TJP1: variants seen among roughly 807,000 people sequenced by gnomAD.
TJP1 encodes tight junction protein 1.
TJP1 carries 43 observed loss-of-function variants against 194.2 expected under a neutral mutation model. That is an observed-to-expected ratio of 0.22 (90% confidence interval 0.17 to 0.29). The LOEUF is 0.29. Among genes scored for constraint, TJP1 ranks in the 10% least tolerant of loss-of-function variants. TJP1 has a pLI of 1.00. For missense variants in TJP1, 1,971 were observed against 2,185.7 expected, an observed-to-expected ratio of 0.90 and a Z score of 1.96; for synonymous variants, 801 against 779.0, an observed-to-expected ratio of 1.03 and a Z score of -0.47.
intron 1 of TJP1, among the ~76,000 whole-genome samples, chr15:29,804,320 T>C (rs2048980563): frequency 6.6e-6 from 1 of 152,184 alleles, no homozygotes. Flanking sequence ...TGTTACGTGT[T>C]TGAAAGTGAT....
chr15:29,790,146 T>C (rs956010182), intron 2 of TJP1, among the ~76,000 whole-genome samples: 1 of 152,228 alleles, frequency 6.6e-6, no homozygotes, highest in Non-Finnish European at 1.5e-5. Context: ...TTGAGTAGTT[T>C]TGACAGAGAT....
chr15:29,964,389 A>G (rs1381398482), intron 1 of TJP1, among the ~76,000 whole-genome samples: 3 of 107,174 alleles, frequency 2.8e-5, no homozygotes, highest in Admixed American at 1.1e-4. Context: ...GAAATAAATT[A>G]AAAATTAAAA....
intron 1 of TJP1, among the ~76,000 whole-genome samples, chr15:29,956,745 C>A (rs955723641): frequency 6.6e-6 from 1 of 152,116 alleles, no homozygotes; most frequent in African/African-American, 2.4e-5. Flanking sequence ...AAAAATTAGC[C>A]TGTCCTGGTG....
At chr15:29,877,475 C>T (rs112082337) in intron 2 of TJP1, among the ~76,000 whole-genome samples, 9,372 of 152,262 alleles carry the variant, frequency 0.062, 344 homozygotes, top group South Asian at 0.11. Flanking sequence ...ACCGCCTTGG[C>T]CTCCCAAAGT....
chr15:29,802,240 T>A (rs1317828122), intron 1 of TJP1, among the ~76,000 whole-genome samples: 2 of 152,206 alleles, frequency 1.3e-5, no homozygotes, highest in African/African-American at 4.8e-5. Flanking sequence ...GCCTATTTCA[T>A]AAGTGAGGTC....
intron 1 of TJP1, among the ~76,000 whole-genome samples, chr15:29,957,986 G>C (rs2056010339): frequency 6.6e-6 from 1 of 152,148 alleles, no homozygotes; most frequent in Non-Finnish European, 1.5e-5. Flanking sequence ...TTGAACTGCT[G>C]ATTCTGTATA....
At chr15:29,759,101 C>T (rs1000997572) in intron 8 of TJP1, 1 of 152,096 alleles carries the variant, frequency 6.6e-6, no homozygotes, top group Admixed American at 6.6e-5. Flanking sequence ...TAAAAAAGCT[C>T]TCTCCTGGCT....
At position 29,743,233 on chromosome 15, in the gene TJP1, A is replaced by G. The variant is rs1038122631; in HGVS notation, c.1011-452T>C. 2.0e-5 allele frequency among the ~76,000 whole-genome samples: 3 copies of G among 152,230 alleles called. No homozygotes were observed. The East Asian group carries it at 5.8e-4, about 29-fold the overall frequency. ...TTCTAAAGTAAGACTCAATGAAGCCACAGTATATCAACAAAAGTGATTACA... is the reference window on the plus strand; with the variant it reads ...TTCTAAAGTAAGACTCAATGAAGCCGCAGTATATCAACAAAAGTGATTACA... On this transcript the variant is annotated intron_variant, in intron 8 of 27. Coordinates refer to ENST00000614355, the MANE Select transcript of TJP1 (RefSeq NM_001330239.4).
intron 2 of TJP1, among the ~76,000 whole-genome samples, chr15:29,920,192 C>G (rs2054312327): frequency 6.6e-6 from 1 of 152,168 alleles, no homozygotes; most frequent in Non-Finnish European, 1.5e-5. Context: ...GCTTCAGAGA[C>G]CAGTGCTAGG....
intron 18 of TJP1, among the ~76,000 whole-genome samples, chr15:29,723,326 CT>C (rs1337770619): frequency 1.6e-4 from 24 of 152,140 alleles, no homozygotes; most frequent in African/African-American, 4.8e-5. Context: ...CACCATCCCC[CT>C]AATACTATTT....
At chr15:29,848,948 A>C (rs1002331421) in intron 2 of TJP1, among the ~76,000 whole-genome samples, 1 of 152,106 alleles carries the variant, frequency 6.6e-6, no homozygotes. Context: ...CTACGTTTTT[A>C]TAAAATACTC....
chr15:29,836,683 A>G (rs935921500), intron 2 of TJP1, among the ~76,000 whole-genome samples: 3 of 152,236 alleles, frequency 2.0e-5, no homozygotes, highest in Non-Finnish European at 4.4e-5. Context: ...GTTGAAACTT[A>G]ATCACCAATG....
At chr15:29,859,920 T>C (rs769568720) in intron 2 of TJP1, among the ~76,000 whole-genome samples, 4 of 152,176 alleles carry the variant, frequency 2.6e-5, no homozygotes, top group Admixed American at 6.5e-5. Flanking sequence ...CTCCTGTGTA[T>C]ACTCAGGATA....
At chr15:29,923,063 G>C (rs948665832) in intron 2 of TJP1, among the ~76,000 whole-genome samples, 12 of 152,142 alleles carry the variant, frequency 7.9e-5, no homozygotes, top group African/African-American at 2.9e-4. Flanking sequence ...GACATTTTTA[G>C]TGTGATGAAG....
chr15:29,748,564 CTTTTTTTT>C (rs61364565), intron 8 of TJP1, among the ~76,000 whole-genome samples: 25 of 73,390 alleles, frequency 3.4e-4, no homozygotes, highest in East Asian at 1.5e-3. Context: ...CTTCCTAATT[CTTTTTTTT>C]TTTTTTTTTT....
intron 8 of TJP1, among the ~76,000 whole-genome samples, chr15:29,757,336 T>TTC (rs1427573329): frequency 6.6e-6 from 1 of 152,206 alleles, no homozygotes; most frequent in African/African-American, 2.4e-5. Context: ...AGTGAAACCT[T>TTC]TCTCACAGAG....
intron 8 of TJP1, chr15:29,743,054 A>C (rs534945011): frequency 1.6e-5 from 4 of 246,136 alleles, no homozygotes; most frequent in Non-Finnish European, 3.1e-5. Flanking sequence ...CTGTTGGAGA[A>C]GGAACATAAC....
upstream of TJP1, among the ~76,000 whole-genome samples, chr15:29,824,626 G>A (rs990673725): frequency 1.3e-5 from 2 of 152,066 alleles, no homozygotes; most frequent in Admixed American, 6.5e-5. Flanking sequence ...GGTTTGGGAA[G>A]TATTTTTTAA....
chr15:29,847,012 T>C (rs191165656), intron 2 of TJP1, among the ~76,000 whole-genome samples: 25 of 152,304 alleles, frequency 1.6e-4, no homozygotes, highest in Middle Eastern at 6.8e-3. Context: ...ATTCAAGTAA[T>C]GTTTGGAAGA....
Sources: allele counts gnomAD v4.1 joint callset (sites outside exome capture counted in the v4.1 genomes callset), GRCh38; gene constraint gnomAD v4.1.1; transcripts MANE v1.5; gene names NCBI Gene and HGNC (gene_info 2026-07-23, HGNC 2026-07-21).